The following DNAH6 variants were observed in gnomAD, a reference collection of about 807,000 sequenced individuals.
DNAH6 encodes the protein dynein axonemal heavy chain 6.
DNAH6 carries 340 observed loss-of-function variants against 491.4 expected under a neutral mutation model. The ratio of observed to expected loss-of-function variants is 0.69; its 90% CI spans 0.63 to 0.76. The LOEUF is 0.76. DNAH6 is among the 30% of genes least tolerant of loss of function. The pLI is 0.00. For synonymous variants in DNAH6, 1,603 were observed against 1,686.1 expected (o/e 0.95, Z 1.21); for missense variants, 4,443 against 4,972.2 (o/e 0.89, Z 3.20).
rs1677092007 is a variant in DNAH6, at chr2:84,785,502, A to G, written c.10954-108A>G. ...GAATGGTCCCCACCTCCCCATGAAC[A>G]TCAGCAATCTACATCATTTCAATGG... On this transcript the variant is annotated intron_variant, in intron 66 of 76. Transcript: ENST00000389394. 7 of 1,146,910 alleles carry G rather than the reference A, an allele frequency of 6.1e-6. No individual in the cohort carries two copies. The South Asian group carries it at 1.1e-4, about 17-fold the overall frequency. 71.0% of individuals were successfully genotyped at this position (1,146,910 alleles called of 1,614,324 possible).
At chr2:84,586,723 G>A (rs1260543251) in intron 15 of DNAH6, among the ~76,000 whole-genome samples, 1 of 152,140 alleles carries the variant, frequency 6.6e-6, no homozygotes, top group African/African-American at 2.4e-5. Flanking sequence ...TAGGGGACAG[G>A]GTTAAGTAAC....
the DNAH6 span, among the ~76,000 whole-genome samples, chr2:84,510,448 G>A: frequency 1.3e-5 from 2 of 152,144 alleles, no homozygotes; most frequent in Non-Finnish European, 2.9e-5. Context: ...GGACTTCTCT[G>A]CATTGGTTAT....
intron 35 of DNAH6, among the ~76,000 whole-genome samples, chr2:84,656,578 C>A (rs935448449): frequency 1.3e-5 from 2 of 151,940 alleles, no homozygotes; most frequent in South Asian, 4.1e-4. Flanking sequence ...ATCTATGTAT[C>A]GTATTTCATG....
intron 16 of DNAH6, among the ~76,000 whole-genome samples, chr2:84,591,138 A>G (rs1379783275): frequency 2.0e-5 from 3 of 152,212 alleles, no homozygotes; most frequent in African/African-American, 7.2e-5. Context: ...ACAAACTTCT[A>G]TATCATCTGT....
intron 38 of DNAH6, among the ~76,000 whole-genome samples, chr2:84,669,839 A>T (rs1692545089): frequency 6.6e-6 from 1 of 152,172 alleles, no homozygotes; most frequent in Non-Finnish European, 1.5e-5. Flanking sequence ...TTGCATGCCC[A>T]AAAGACAGTT....
At chr2:84,620,324 T>C (rs759952372) in intron 24 of DNAH6, among the ~76,000 whole-genome samples, 2 of 152,184 alleles carry the variant, frequency 1.3e-5, no homozygotes, top group Non-Finnish European at 2.9e-5. Context: ...GGATAGTGTA[T>C]GTAAATTACT....
upstream of DNAH6, among the ~76,000 whole-genome samples, chr2:84,513,886 G>A (rs1055389120): frequency 6.6e-6 from 1 of 152,058 alleles, no homozygotes; most frequent in Non-Finnish European, 1.5e-5. Flanking sequence ...TTCCCACCTG[G>A]ATCTACAGGT....
intron 26 of DNAH6, among the ~76,000 whole-genome samples, 177 bp downstream of exon 26, chr2:84,621,728 C>T (rs1402592457): frequency 1.3e-5 from 2 of 152,010 alleles, no homozygotes; most frequent in Non-Finnish European, 1.5e-5. Flanking sequence ...TTTTTAGAGA[C>T]ACTATCTTAC....
At chr2:84,640,395 A>G (rs1689277235) in intron 31 of DNAH6, 35 bp from the exon 32 acceptor site, 2 of 1,308,878 alleles carry the variant, frequency 1.5e-6, no homozygotes, top group East Asian at 2.5e-5. Context: ...TATCAATACA[A>G]TATAATAAGC....
intron 11 of DNAH6, among the ~76,000 whole-genome samples, chr2:84,561,574 C>A (rs923810299): frequency 1.3e-5 from 2 of 152,046 alleles, no homozygotes; most frequent in African/African-American, 4.8e-5. Context: ...CTCTGCACAG[C>A]AAAAGAAACT....
At chr2:84,526,065 G>C (rs1039333931) in intron 3 of DNAH6, among the ~76,000 whole-genome samples, 2 of 152,056 alleles carry the variant, frequency 1.3e-5, no homozygotes, top group African/African-American at 2.4e-5. Flanking sequence ...TGAAGACCCT[G>C]GTGAAGAGCA....
intron 29 of DNAH6, 37 bp from the exon 30 acceptor site, chr2:84,634,467 C>A: frequency 6.7e-7 from 1 of 1,482,180 alleles, no homozygotes; most frequent in South Asian, 1.4e-5. Context: ...AGCTGAACTA[C>A]ACAATACAAA....
chr2:84,708,635 GAAGA>G lies in DNAH6; in HGVS notation c.9049-699_9049-696del, dbSNP rs751207410. ...GGAAAGAGAGGGAGATAGAGGAGAG[GAAGA>G]AAGAAAGAGAGAAAGAAAGAAAGAG... On this transcript the variant is annotated intron_variant, in intron 54 of 76. Transcript: ENST00000389394. Among the ~76,000 whole-genome samples, 21 of 151,222 alleles carry G rather than the reference GAAGA, an allele frequency of 1.4e-4. No individual in the cohort carries two copies. In the East Asian group the frequency reaches 1.6e-3, roughly 11 times the overall value.
chr2:84,654,739 G>A lies in DNAH6; in HGVS notation c.5714G>A (p.Trp1905Ter). Reference protein sequence around the residue: ...MVFVDPEELKWMPYVKTWMKG... With the variant: ...MVFVDPEELK ...TTTGTGGATCCTGAAGAACTGAAAT[G>A]GATGCCTTATGTTAAAACTTGGATG... is the stretch of plus-strand genomic sequence containing the variant. The change falls in exon 35 of 77, where the codon TGG becomes TAG. Residue 1905 changes from tryptophan (W) to a stop codon, truncating the protein, a stop_gained. Transcript: ENST00000389394. LOFTEE classifies it high-confidence loss of function. 1.3e-6 allele frequency: 2 copies of A among 1,551,168 alleles called. No homozygotes were observed. Among genetic ancestry groups the A allele is most frequent in the Non-Finnish European group, 8.7e-7 (1 of 1,146,400 alleles).
chr2:84,731,697 G>A (rs974382374), intron 61 of DNAH6, among the ~76,000 whole-genome samples: 10 of 152,154 alleles, frequency 6.6e-5, no homozygotes, highest in Non-Finnish European at 7.4e-5. Flanking sequence ...AAACAATAAA[G>A]TTTGTAGTGA....
chr2:84,694,521 A>G (rs1245246637), intron 46 of DNAH6, 41 bp downstream of exon 46: 2 of 1,419,950 alleles, frequency 1.4e-6, no homozygotes, highest in East Asian at 2.5e-5. Flanking sequence ...CAGGAAATGT[A>G]TGGGTGTTAC....
At chr2:84,637,584 C>T (rs115726038) in intron 31 of DNAH6, among the ~76,000 whole-genome samples, 280 of 152,228 alleles carry the variant, frequency 1.8e-3, no homozygotes, top group African/African-American at 6.4e-3. Context: ...AAAATGGTAT[C>T]TGGAATATAA....
chr2:84,542,584 C>T (rs530488057), intron 4 of DNAH6, among the ~76,000 whole-genome samples: 1 of 152,132 alleles, frequency 6.6e-6, no homozygotes, highest in African/African-American at 2.4e-5. Context: ...ATCAGCCCCC[C>T]ACATCTCCTT....
intron 64 of DNAH6, among the ~76,000 whole-genome samples, chr2:84,764,305 A>G (rs1441861670): frequency 1.3e-5 from 2 of 152,192 alleles, no homozygotes; most frequent in Non-Finnish European, 2.9e-5. Flanking sequence ...AAACAACCCA[A>G]AAGGAATAAA....
Sources: gnomAD v4.1 joint callset for allele counts (sites outside exome capture counted in the v4.1 genomes callset) on GRCh38, gnomAD v4.1.1 for gene constraint, MANE v1.5 for transcripts, NCBI Gene and HGNC (gene_info 2026-07-23, HGNC 2026-07-21) for gene names.